BAZ2B: variants seen among roughly 807,000 people sequenced by gnomAD.
BAZ2B encodes the protein bromodomain adjacent to zinc finger domain protein 2B.
Under a neutral mutation model 246.0 loss-of-function variants are expected in BAZ2B, and 91 were observed. The observed-to-expected ratio is 0.37, with a 90% CI of 0.31 to 0.44. The LOEUF (loss-of-function observed/expected upper bound fraction) is 0.44. Among genes scored for constraint, BAZ2B ranks in the 20% least tolerant of loss-of-function variants. BAZ2B has a pLI of 1.00. For synonymous variants in BAZ2B, 855 were observed against 860.0 expected (o/e 0.99, Z 0.10); for missense variants, 2,332 against 2,533.7 (o/e 0.92, Z 1.71).
chr2:159,623,528 G>C, the BAZ2B span, among the ~76,000 whole-genome samples: 2 of 152,278 alleles, frequency 1.3e-5, no homozygotes, highest in East Asian at 1.9e-4. Context: ...TCATCCTTCA[G>C]ATTCCCAAAA....
chr2:159,599,532 C>T (rs868371041), intron 1 of BAZ2B, among the ~76,000 whole-genome samples: 7 of 151,798 alleles, frequency 4.6e-5, no homozygotes, highest in African/African-American at 1.2e-4. Context: ...ACAGGAGAAT[C>T]GCTTGAACCT....
intron 2 of BAZ2B, among the ~76,000 whole-genome samples, chr2:159,484,282 T>A (rs1405480015): frequency 6.6e-6 from 1 of 152,216 alleles, no homozygotes; most frequent in African/African-American, 2.4e-5. Context: ...ATAACTATAA[T>A]AGTAAGGTGA....
chr2:159,686,818 G>A, the BAZ2B span, among the ~76,000 whole-genome samples: 456 of 152,162 alleles, frequency 3.0e-3, no homozygotes, highest in Non-Finnish European at 4.8e-3. Flanking sequence ...CAAGGCGGAC[G>A]GATCACAAGG....
chr2:159,638,881 T>C, the BAZ2B span, among the ~76,000 whole-genome samples: 3 of 152,102 alleles, frequency 2.0e-5, no homozygotes, highest in Admixed American at 2.0e-4. Flanking sequence ...GACATCAACA[T>C]TCAAGTACAA....
intron 2 of BAZ2B, among the ~76,000 whole-genome samples, chr2:159,494,165 A>C (rs1029035872): frequency 1.3e-5 from 2 of 152,222 alleles, no homozygotes; most frequent in Non-Finnish European, 2.9e-5. Flanking sequence ...TAAAATTTTA[A>C]GTCATTTCTA....
chr2:159,653,420 T>C, the BAZ2B span, among the ~76,000 whole-genome samples: 1 of 152,094 alleles, frequency 6.6e-6, no homozygotes, highest in Non-Finnish European at 1.5e-5. Flanking sequence ...CAACCTCACA[T>C]ATGCAGCTGA....
At position 159,573,917 on chromosome 2, in the gene BAZ2B, T is replaced by C. The variant is rs115590194; in HGVS notation, c.-45-18052A>G. 8.1e-3 allele frequency among the ~76,000 whole-genome samples: 1,236 copies of C among 152,144 alleles called. 15 individuals carry two copies. Among genetic ancestry groups the C allele is most frequent in the African/African-American group, 0.027 (1,141 of 41,508 alleles). Reference sequence around the variant, plus strand: ...GAGTTCAAGACCAGCCTGGGCAACATGGCAAAATCCCTTACCTACAAAAAA... The same window carrying C: ...GAGTTCAAGACCAGCCTGGGCAACACGGCAAAATCCCTTACCTACAAAAAA... On this transcript the variant is annotated intron_variant, in intron 1 of 36. Transcript: ENST00000392783.
chr2:159,326,042 A>T, intron 34 of BAZ2B, 124 bp from the exon 35 acceptor site: 10 of 794,412 alleles, frequency 1.3e-5, no homozygotes, highest in Non-Finnish European at 1.8e-5. Context: ...TAGAATGTTG[A>T]TAACTATTAT....
the BAZ2B span, among the ~76,000 whole-genome samples, chr2:159,641,810 T>C: frequency 6.6e-6 from 1 of 152,214 alleles, no homozygotes; most frequent in Non-Finnish European, 1.5e-5. Context: ...GTTCTTATTT[T>C]GAAATTATAA....
chr2:159,556,524 G>GAGACAGAGTCTCA (rs2089157449), intron 1 of BAZ2B, among the ~76,000 whole-genome samples: 2 of 139,388 alleles, frequency 1.4e-5, no homozygotes, highest in Admixed American at 6.8e-5. Context: ...GCAGTGGCGC[G>GAGACAGAGTCTCA]ATCGTGGCTC....
chr2:159,615,761 G>T (rs557059074), intron 1 of BAZ2B: 1 of 152,408 alleles, frequency 6.6e-6, no homozygotes, highest in African/African-American at 2.4e-5. Context: ...AAAACTGTTG[G>T]CGGCGACCTG....
intron 2 of BAZ2B, among the ~76,000 whole-genome samples, chr2:159,534,874 T>A (rs953526553): frequency 6.6e-6 from 1 of 152,192 alleles, no homozygotes; most frequent in Non-Finnish European, 1.5e-5. Flanking sequence ...CCCAAAGTGC[T>A]GGGCTTACAG....
intron 2 of BAZ2B, among the ~76,000 whole-genome samples, chr2:159,526,941 T>C (rs73008646): frequency 0.032 from 4,829 of 151,936 alleles, 234 homozygotes; most frequent in African/African-American, 0.11. Context: ...ATAGTAAGTG[T>C]GTGTTTCTTC....
chr2:159,455,348 G>A (rs1406943161), intron 3 of BAZ2B, among the ~76,000 whole-genome samples: 1 of 152,032 alleles, frequency 6.6e-6, no homozygotes, highest in Admixed American at 6.6e-5. Context: ...TTAAAATAAT[G>A]CTATATTCTT....
chr2:159,320,184 A>T lies in BAZ2B; in HGVS notation c.*81T>A. On this transcript the variant is annotated 3_prime_UTR_variant, in exon 37 of 37. Transcript: ENST00000392783. ...GAAAGTCATTATGTATGTGCCTTGC[A>T]CGTTTATGTAAATACAGTTCACATT... 8.1e-7 allele frequency: 1 copy of T among 1,228,416 alleles called. No homozygotes were observed. Among genetic ancestry groups the T allele is most frequent in the Non-Finnish European group, 1.1e-6 (1 of 930,658 alleles). The allele number at this position is 1,228,416 out of a possible 1,614,324, so 76.1% of individuals were successfully genotyped here.
rs539532549 is a variant in BAZ2B at position 159,616,360 on chromosome 2, A to G, written c.-164T>C. 1.3e-5 allele frequency: 2 copies of G among 152,346 alleles called. No individual in the cohort carries two copies. The highest frequency in any genetic ancestry group is 4.8e-5 in the African/African-American group (2 of 41,578). 9.4% of individuals were successfully genotyped at this position (152,346 alleles called of 1,614,324 possible). A position where few individuals can be genotyped will look rare whatever the true frequency, so the allele number is the denominator to read the frequency against. ...TTATTTCTATTATTATTTCTGCAAG[A>G]AAAGTATAAAGAGAGTTGTAGTGGA... On this transcript the variant is annotated 5_prime_UTR_variant, in exon 1 of 37. Coordinates refer to ENST00000392783, the MANE Select transcript of BAZ2B (RefSeq NM_013450.4).
At chr2:159,574,829 G>T (rs964090272) in intron 1 of BAZ2B, among the ~76,000 whole-genome samples, 1 of 151,934 alleles carries the variant, frequency 6.6e-6, no homozygotes, top group African/African-American at 2.4e-5. Flanking sequence ...AATTAGCTGG[G>T]CATGGTGGCA....
chr2:159,552,979 G>T (rs1472129067), intron 2 of BAZ2B, among the ~76,000 whole-genome samples: 2 of 152,126 alleles, frequency 1.3e-5, no homozygotes, highest in Non-Finnish European at 1.5e-5. Context: ...AAAAGAAAAA[G>T]AATATTCTAG....
rs369373868 is a variant in BAZ2B at position 159,382,572 on chromosome 2, A to G, written c.3992T>C (p.Ile1331Thr). The G allele has an allele frequency of 7.7e-5, 120 of 1,550,314 alleles. No homozygotes were observed. The highest frequency in any genetic ancestry group is 1.0e-4 in the Non-Finnish European group (117 of 1,146,442). ...KEDKKGKKTD[I>T]CEDEDEGDQA... ...AAATTTCATTACCTCATCTTCACAGATATCAGTCTTTTTTCCTTTTTTGTC... is the reference window on the plus strand; with the variant it reads ...AAATTTCATTACCTCATCTTCACAGGTATCAGTCTTTTTTCCTTTTTTGTC... The change falls in exon 25 of 37, where the codon ATC becomes ACC. Residue 1331 changes from isoleucine to threonine, a missense_variant. By Grantham distance (89) the Ile-to-Thr change is moderately conservative (BLOSUM62 -1). Transcript: ENST00000392783.
Sources: allele counts gnomAD v4.1 joint callset (sites outside exome capture counted in the v4.1 genomes callset), GRCh38; gene constraint gnomAD v4.1.1; transcripts MANE v1.5; gene names NCBI Gene and HGNC (gene_info 2026-07-23, HGNC 2026-07-21).